The following GULP1 variants were observed in gnomAD, a reference collection of about 807,000 sequenced individuals.
GULP1 encodes PTB domain-containing engulfment adapter protein 1.
Under a neutral mutation model 40.9 loss-of-function variants are expected in GULP1, and 19 were observed. The observed-to-expected ratio is 0.46, with a 90% confidence interval of 0.32 to 0.68. The LOEUF (loss-of-function observed/expected upper bound fraction) is 0.68. Ranked by LOEUF, GULP1 falls within the 30% of genes least tolerant of loss-of-function variation. GULP1 has a pLI of 0.03. For synonymous variants in GULP1, 119 were observed against 117.6 expected (o/e 1.01, Z -0.08); for missense variants, 312 against 362.2 (o/e 0.86, Z 1.12).
chr2:188,406,476 A>C (rs945870598), intron 2 of GULP1, among the ~76,000 whole-genome samples: 1 of 152,238 alleles, frequency 6.6e-6, no homozygotes, highest in Admixed American at 6.5e-5. Flanking sequence ...CAACAAAATT[A>C]CAAAAATAAT....
intron 1 of GULP1, among the ~76,000 whole-genome samples, chr2:188,356,766 C>CA (rs1395197101): frequency 2.6e-5 from 4 of 152,106 alleles, no homozygotes; most frequent in African/African-American, 7.2e-5. Context: ...CCAGAGGCGT[C>CA]AAACTTCAAA....
intron 1 of GULP1, among the ~76,000 whole-genome samples, chr2:188,358,329 A>T (rs2045635859): frequency 6.6e-6 from 1 of 152,182 alleles, no homozygotes; most frequent in African/African-American, 2.4e-5. Flanking sequence ...GTTACTAGGG[A>T]CTGGAAAGGG....
At chr2:188,555,886 C>T in intron 7 of GULP1, among the ~76,000 whole-genome samples, 1 of 88,670 alleles carries the variant, frequency 1.1e-5, no homozygotes, top group African/African-American at 3.8e-5. Context: ...TGATGAAACC[C>T]CATCTCTACT....
intron 1 of GULP1, among the ~76,000 whole-genome samples, chr2:188,338,568 A>G (rs1406490112): frequency 6.6e-6 from 1 of 152,060 alleles, no homozygotes; most frequent in Non-Finnish European, 1.5e-5. Context: ...GCCCTTCCAA[A>G]GTGCTGGGAT....
chr2:188,495,110 C>T (rs1049588261), intron 4 of GULP1, among the ~76,000 whole-genome samples: 3 of 152,028 alleles, frequency 2.0e-5, no homozygotes, highest in Non-Finnish European at 4.4e-5. Context: ...GGAGGTAAGG[C>T]CAGATCTTGT....
rs771919175 is a variant in GULP1 at position 188,570,119 on chromosome 2, C to T, written c.608C>T (p.Pro203Leu). The change falls in exon 9 of 12, where the codon CCA (proline) becomes CTA (leucine). Residue 203 changes from proline (P) to leucine (L), a missense_variant and splice_region_variant. Coordinates refer to ENST00000409830, the MANE Select transcript of GULP1 (RefSeq NM_016315.4). ...QLRITQVSAP[P>L]AGSMTPKSPS... The stretch of plus-strand genomic sequence containing the variant: ...AGAATAACTCAAGTATCAGCACCTC[C>T]AGTGAGTATATTGAATATCCTTAGA... 7 of 1,274,518 alleles carry T rather than the reference C, an allele frequency of 5.5e-6. No individual in the cohort carries two copies. The African/African-American group carries it at 1.1e-4, about 19-fold the overall frequency. 79.0% of individuals were successfully genotyped at this position (1,274,518 alleles called of 1,614,324 possible).
At chr2:188,507,229 A>G (rs761532820) in intron 4 of GULP1, among the ~76,000 whole-genome samples, 2 of 151,880 alleles carry the variant, frequency 1.3e-5, no homozygotes, top group Non-Finnish European at 2.9e-5. Flanking sequence ...TCAAATAAAG[A>G]GTTAATCATG....
intron 1 of GULP1, among the ~76,000 whole-genome samples, chr2:188,371,040 A>G (rs960173876): frequency 6.6e-6 from 1 of 152,178 alleles, no homozygotes. Flanking sequence ...TGTAATTTTT[A>G]TCTAATTCAG....
chr2:188,399,287 G>A (rs1280330549), intron 2 of GULP1, among the ~76,000 whole-genome samples: 1 of 152,134 alleles, frequency 6.6e-6, no homozygotes, highest in Non-Finnish European at 1.5e-5. Context: ...ACAGCAGTGG[G>A]TACTTCTGTG....
At chr2:188,385,490 C>T (rs1206063347) in intron 2 of GULP1, among the ~76,000 whole-genome samples, 1 of 152,122 alleles carries the variant, frequency 6.6e-6, no homozygotes, top group African/African-American at 2.4e-5. Context: ...GACATTTTTC[C>T]CCATTATCTT....
chr2:188,312,512 G>A (rs1291502774), intron 1 of GULP1, among the ~76,000 whole-genome samples: 5 of 152,194 alleles, frequency 3.3e-5, no homozygotes, highest in East Asian at 1.9e-4. Context: ...ATTCCATGGT[G>A]TATATGTACC....
intron 7 of GULP1, 90 bp from the exon 8 acceptor site, chr2:188,569,149 G>C (rs989140111): frequency 5.4e-6 from 4 of 737,040 alleles, no homozygotes; most frequent in Non-Finnish European, 9.9e-6. Flanking sequence ...GAATGTCTTG[G>C]AGTAAGTGCT....
chr2:188,514,397 A>C (rs1043071299), intron 4 of GULP1, among the ~76,000 whole-genome samples: 2 of 152,110 alleles, frequency 1.3e-5, no homozygotes, highest in African/African-American at 2.4e-5. Context: ...CTTCAGCTTA[A>C]AGTTGCAGTT....
chr2:188,517,533 T>C (rs1335836647), intron 4 of GULP1, among the ~76,000 whole-genome samples: 2 of 152,184 alleles, frequency 1.3e-5, no homozygotes, highest in East Asian at 3.9e-4. Context: ...AGTCTTTTCA[T>C]GTGAGAGGCT....
chr2:188,292,375 C>T lies in GULP1; in HGVS notation c.-172+209C>T, dbSNP rs1214095680. Among the ~76,000 whole-genome samples, 1 of 152,220 alleles carries T rather than the reference C, an allele frequency of 6.6e-6. No individual in the cohort carries two copies. The highest frequency in any genetic ancestry group is 1.5e-5 in the Non-Finnish European group (1 of 68,040). Reference sequence around the variant, plus strand: ...ACAGCTAAATGCTCAGGGAGTCGTCCAGCACTAAAGGAGGCTAAGACCTGT... The same window carrying T: ...ACAGCTAAATGCTCAGGGAGTCGTCTAGCACTAAAGGAGGCTAAGACCTGT... On this transcript the variant is annotated intron_variant, in intron 1 of 11. Coordinates refer to ENST00000409830, the MANE Select transcript of GULP1 (RefSeq NM_016315.4). The surrounding 1 kb of genome is among the most constrained non-coding windows in gnomAD (Gnocchi z 4.0).
chr2:188,569,343 GT>G lies in GULP1; in HGVS notation c.506del (p.Leu169TyrfsTer8). 6.5e-7 allele frequency: 1 copy of G among 1,532,972 alleles called. No individual in the cohort carries two copies. The allele number at this position is 1,532,972 out of a possible 1,614,324, so 95.0% of individuals were successfully genotyped here. A position where few individuals can be genotyped will look rare whatever the true frequency, so the allele number is the denominator to read the frequency against. Reference sequence around the variant, plus strand: ...TTGAAACAAGAAAACAGATCGCAGGGTTACAAAAAAGAGTGAGTAAACTAAG... The same window carrying G: ...TTGAAACAAGAAAACAGATCGCAGGGTACAAAAAAGAGTGAGTAAACTAAG... ...DVETRKQIAGLQKRIQDLETE... is the reference protein window; with the variant it reads ...DVETRKQIAGXQKRIQDLETE... On this transcript the variant is annotated frameshift_variant, in exon 8 of 12. Coordinates refer to ENST00000409830, the MANE Select transcript of GULP1 (RefSeq NM_016315.4). LOFTEE classifies it high-confidence loss of function.
chr2:188,478,982 A>C lies in GULP1; in HGVS notation c.28+1252A>C, dbSNP rs549949116. Among the ~76,000 whole-genome samples, 8 of 152,252 alleles carry C rather than the reference A, an allele frequency of 5.3e-5. No individual in the cohort carries two copies. The South Asian group carries it at 1.7e-3, about 32-fold the overall frequency. ...GTAACAGGAAGCATGACTGAGAACC[A>C]TTCATGTGTTAATGAGAGCTGTCTT... On this transcript the variant is annotated intron_variant, in intron 3 of 11. Transcript: ENST00000409830.
At position 188,594,191 on chromosome 2, in the gene GULP1, A is replaced by C. The variant is rs1187815114; in HGVS notation, c.*180A>C. 2.5e-5 allele frequency: 11 copies of C among 448,010 alleles called. No homozygotes were observed. Among genetic ancestry groups the C allele is most frequent in the Non-Finnish European group, 4.5e-5 (11 of 246,516 alleles). The allele number at this position is 448,010 out of a possible 1,614,324, so 27.8% of individuals were successfully genotyped here. On this transcript the variant is annotated 3_prime_UTR_variant, in exon 12 of 12. Transcript: ENST00000409830. ...TATTGATCTGTAATTTTTATTTTAAAAACAGCTTACTGTAAAGTAGATCAT... is the reference window on the plus strand; with the variant it reads ...TATTGATCTGTAATTTTTATTTTAACAACAGCTTACTGTAAAGTAGATCAT...
At chr2:188,379,224 T>G (rs1232938696) in intron 1 of GULP1, among the ~76,000 whole-genome samples, 1 of 152,314 alleles carries the variant, frequency 6.6e-6, no homozygotes, top group African/African-American at 2.4e-5. Context: ...TTTAAATTGA[T>G]AAATTTAAAA....
Sources: allele counts gnomAD v4.1 joint callset (sites outside exome capture counted in the v4.1 genomes callset), GRCh38; gene constraint gnomAD v4.1.1; non-coding constraint Gnocchi (gnomAD v3.1); transcripts MANE v1.5; gene names NCBI Gene and HGNC (gene_info 2026-07-23, HGNC 2026-07-21).